Variants in KLF8 observed in about 807,000 individuals in gnomAD.
The protein encoded by KLF8 is KLF transcription factor 8, also known as Krueppel-like factor 8.
Under a neutral mutation model 18.2 loss-of-function variants are expected in KLF8, and 10 were observed. The ratio of observed to expected loss-of-function variants is 0.55; its 90% CI spans 0.34 to 0.93. The LOEUF (loss-of-function observed/expected upper bound fraction) is 0.93. Among genes scored for constraint, KLF8 ranks in the 40% least tolerant of loss-of-function variants. The probability of loss-of-function intolerance (pLI) is 0.02; values close to 1 mark genes in which losing one functional copy is unlikely to be tolerated. For synonymous variants in KLF8, 109 were observed against 97.3 expected (o/e 1.12, Z -0.71); for missense variants, 264 against 277.9 (o/e 0.95, Z 0.36).
Position 56,233,340 on chromosome X carries a change from C to A in KLF8, c.6C>A (p.Val2=), listed in dbSNP as rs779516670. The change falls in exon 1 of 6, where the codon GTC becomes GTA. Residue 2 remains valine (V), a splice_region_variant and synonymous_variant. Coordinates refer to ENST00000468660, the MANE Select transcript of KLF8 (RefSeq NM_007250.5). ...AGGAGTCCTCAGCTAGTGACATGGT[C>A]GGTAAGTGACTCTGGGACTAATACC... M[V]DMDKLINNLE... 8.5e-7 allele frequency: 1 copy of A among 1,182,731 alleles called. No individual in the cohort carries two copies. The highest frequency in any genetic ancestry group is 1.8e-5 in the South Asian group (1 of 56,289).
At chrX:55,987,706 A>G in the KLF8 span, among the ~76,000 whole-genome samples, 1 of 112,011 alleles carries the variant, frequency 8.9e-6, no homozygotes, top group African/African-American at 3.2e-5. Context: ...AATCCTTTGG[A>G]TATATACCCA....
chrX:56,094,223 C>T, the KLF8 span, among the ~76,000 whole-genome samples: 3 of 110,156 alleles, frequency 2.7e-5, no homozygotes, highest in African/African-American at 6.6e-5. Context: ...GAAAAACAGA[C>T]TTTAAATATA....
chrX:56,213,440 G>T, the KLF8 span, among the ~76,000 whole-genome samples: 4 of 100,782 alleles, frequency 4.0e-5, no homozygotes, highest in African/African-American at 1.5e-4. Context: ...TCCTGCCTCA[G>T]GCTCCTGAAT....
chrX:56,078,188 A>G, the KLF8 span, among the ~76,000 whole-genome samples: 1 of 111,468 alleles, frequency 9.0e-6, no homozygotes, highest in Non-Finnish European at 1.9e-5. Context: ...GTTGAATAGG[A>G]GTGGTGAGAG....
chrX:55,940,061 G>A, the KLF8 span, among the ~76,000 whole-genome samples: 3 of 111,503 alleles, frequency 2.7e-5, no homozygotes, highest in African/African-American at 6.5e-5. Flanking sequence ...AAGCCTGGCA[G>A]AGACACAACA....
the KLF8 span, among the ~76,000 whole-genome samples, chrX:56,051,655 C>G: frequency 9.0e-6 from 1 of 110,769 alleles, no homozygotes; most frequent in Non-Finnish European, 1.9e-5. Flanking sequence ...ATCTGATGGG[C>G]TTCCCTTTGA....
At chrX:55,988,040 A>T in the KLF8 span, among the ~76,000 whole-genome samples, 1 of 111,426 alleles carries the variant, frequency 9.0e-6, no homozygotes, top group African/African-American at 3.3e-5. Context: ...CCACTTTTTG[A>T]CGGGGTTCTT....
chrX:56,150,243 C>T, the KLF8 span, among the ~76,000 whole-genome samples: 1 of 111,548 alleles, frequency 9.0e-6, no homozygotes, highest in Admixed American at 9.6e-5. Context: ...AGTGAAGGTT[C>T]CTTAACACCT....
At chrX:56,093,905 ATGTGTGTG>A in the KLF8 span, among the ~76,000 whole-genome samples, 1,061 of 88,953 alleles carry the variant, frequency 0.012, 9 homozygotes, top group African/African-American at 0.038. Context: ...TATATATTAT[ATGTGTGTG>A]TGTGTGTGTG....
chrX:55,937,467 C>T, the KLF8 span, among the ~76,000 whole-genome samples: 14,697 of 111,985 alleles, frequency 0.13, 1,736 homozygotes, highest in African/African-American at 0.39. Context: ...ATCAGAGCGA[C>T]TCTCCTCCTC....
chrX:56,064,000 TAC>T, the KLF8 span, among the ~76,000 whole-genome samples: 2 of 108,487 alleles, frequency 1.8e-5, no homozygotes, highest in African/African-American at 3.4e-5. Context: ...AATATATATA[TAC>T]ACACACACAT....
chrX:56,172,652 C>CG, the KLF8 span, among the ~76,000 whole-genome samples: 1 of 111,925 alleles, frequency 8.9e-6, no homozygotes, highest in Non-Finnish European at 1.9e-5. Flanking sequence ...AATAGAATTT[C>CG]TAGTTCTAGA....
At chrX:55,976,926 TCTTAGTGTA>T in the KLF8 span, among the ~76,000 whole-genome samples, 1 of 112,247 alleles carries the variant, frequency 8.9e-6, no homozygotes, top group African/African-American at 3.2e-5. Context: ...CAGAATTTGT[TCTTAGTGTA>T]CCAAAATGCA....
chrX:56,150,275 A>G, the KLF8 span, among the ~76,000 whole-genome samples: 2 of 111,771 alleles, frequency 1.8e-5, no homozygotes, highest in Non-Finnish European at 3.8e-5. Flanking sequence ...GAAGTTCATA[A>G]TAGATGAATC....
the KLF8 span, among the ~76,000 whole-genome samples, chrX:56,048,552 A>G: frequency 8.9e-6 from 1 of 111,874 alleles, no homozygotes; most frequent in Non-Finnish European, 1.9e-5. Context: ...TGTTTTTGTC[A>G]GGTTTGTGAA....
chrX:56,071,981 C>T, the KLF8 span, among the ~76,000 whole-genome samples: 3 of 111,745 alleles, frequency 2.7e-5, no homozygotes, highest in Non-Finnish European at 5.7e-5. Context: ...AAGGAGATAA[C>T]TTGTGGGTCC....
At chrX:56,045,760 C>T in the KLF8 span, among the ~76,000 whole-genome samples, 10 of 111,171 alleles carry the variant, frequency 9.0e-5, no homozygotes, top group Non-Finnish European at 5.7e-5. Flanking sequence ...AAATTTGTGT[C>T]CTGAATTTTT....
the KLF8 span, among the ~76,000 whole-genome samples, chrX:55,944,147 A>G: frequency 1.8e-5 from 2 of 110,183 alleles, no homozygotes; most frequent in African/African-American, 3.3e-5. Flanking sequence ...TGATTTGCGT[A>G]TATTGAACCA....
At chrX:55,945,897 A>G in the KLF8 span, among the ~76,000 whole-genome samples, 4 of 111,309 alleles carry the variant, frequency 3.6e-5, no homozygotes, top group African/African-American at 1.3e-4. Flanking sequence ...TGCTTCAAAG[A>G]GAATAAAATA....
Sources: gnomAD v4.1 joint callset for allele counts (sites outside exome capture counted in the v4.1 genomes callset) on GRCh38, gnomAD v4.1.1 for gene constraint, MANE v1.5 for transcripts, NCBI Gene and HGNC (gene_info 2026-07-23, HGNC 2026-07-21) for gene names.